SLC7A6OS: variants seen among roughly 807,000 people sequenced by gnomAD.
The protein encoded by SLC7A6OS is solute carrier family 7 member 6 opposite strand.
A neutral mutation model predicts 34.3 loss-of-function variants in SLC7A6OS; 22 were observed. The ratio of observed to expected loss-of-function variants is 0.64; its 90% CI spans 0.46 to 0.92. The LOEUF (loss-of-function observed/expected upper bound fraction) is 0.92, where lower values mean the gene tolerates loss of function less well. SLC7A6OS is among the 40% of genes least tolerant of loss of function. The pLI is 0.00. For missense variants in SLC7A6OS, 434 were observed against 407.7 expected (o/e 1.06, Z -0.56); for synonymous variants, 199 against 165.0 (o/e 1.21, Z -1.58).
chr16:68,302,563 A>G (rs1206892885), intron 3 of SLC7A6OS, 62 bp from the exon 4 acceptor site: 10 of 1,606,074 alleles, frequency 6.2e-6, no homozygotes, highest in East Asian at 2.2e-5. Context: ...CTCTGGGGGA[A>G]GTTGTTAGCA....
chr16:68,303,288 G>A lies in SLC7A6OS; in HGVS notation c.678+738C>T, dbSNP rs568356224. Among the ~76,000 whole-genome samples the A allele has an allele frequency of 2.8e-5, 4 of 141,992 alleles. No homozygotes were observed. In the East Asian group the frequency reaches 8.5e-4, roughly 30 times the overall value. 93.2% of individuals were successfully genotyped at this position (141,992 alleles called of 152,430 possible). A position where few individuals can be genotyped will look rare whatever the true frequency, so the allele number is the denominator to read the frequency against. Reference sequence around the variant, plus strand: ...CAAAAAAAAAAAAAAAAAAGATAATGGTGTCAGCTAGGTGTGGTGGCTCAC... The same window carrying A: ...CAAAAAAAAAAAAAAAAAAGATAATAGTGTCAGCTAGGTGTGGTGGCTCAC... On this transcript the variant is annotated intron_variant, in intron 3 of 4. Transcript: ENST00000263997.
chr16:68,302,146 C>A, intron 4 of SLC7A6OS: 1 of 513,210 alleles, frequency 1.9e-6, no homozygotes, highest in Non-Finnish European at 3.5e-6. Flanking sequence ...GCCCAAGAGC[C>A]ACAGCAAAGT....
rs147089863 is a variant in SLC7A6OS at position 68,310,861 on chromosome 16, A to G, written c.66T>C (p.Ala22=). Residue 22 remains alanine (A), a synonymous_variant, in exon 1 of 5, where the codon GCT becomes GCC. Transcript: ENST00000263997. ...KRKRSAEPAE[A]LVLACKRLRS... is the part of the protein sequence containing the mutation. ...GGAGGCGTTTACAAGCGAGCACAAG[A>G]GCCTCCGCCGGCTCCGCACTGCGCT... is the stretch of plus-strand genomic sequence containing the variant. 7 of 1,611,730 alleles carry G rather than the reference A, an allele frequency of 4.3e-6. No individual in the cohort carries two copies. The African/African-American group carries it at 5.3e-5, about 12-fold the overall frequency.
chr16:68,306,507 G>A lies in SLC7A6OS; in HGVS notation c.472-2275C>T, dbSNP rs918794885. Among the ~76,000 whole-genome samples, 18 of 152,166 alleles carry A rather than the reference G, an allele frequency of 1.2e-4. No homozygotes were observed. In the East Asian group the frequency reaches 1.9e-3, roughly 16 times the overall value. On this transcript the variant is annotated intron_variant, in intron 2 of 4. Transcript: ENST00000263997. ...GCTGGCATCACAGGCATGAGCCACC[G>A]CGCCCGGCCTATTATTGCTTAAAGA...
chr16:68,301,607 G>GGAGT (rs1366122940), intron 4 of SLC7A6OS: 30 of 417,466 alleles, frequency 7.2e-5, no homozygotes, highest in African/African-American at 5.1e-4. Context: ...CCTTCACACT[G>GGAGT]GAGTATTTTG....
chr16:68,310,229 G>C, intron 2 of SLC7A6OS, 106 bp downstream of exon 2: 1 of 1,266,014 alleles, frequency 7.9e-7, no homozygotes, highest in Non-Finnish European at 1.1e-6. Flanking sequence ...CGTCACGCCG[G>C]ATGGATCATC....
chr16:68,310,310 C>T (rs752283814), intron 2 of SLC7A6OS, 25 bp downstream of exon 2: 3 of 1,554,078 alleles, frequency 1.9e-6, no homozygotes, highest in Non-Finnish European at 2.6e-6. Flanking sequence ...AGAAGCCCAG[C>T]GACCACCTTC....
rs1332987041 is a variant in SLC7A6OS at position 68,310,754 on chromosome 16, A to C, written c.173T>G (p.Val58Gly). The change falls in exon 1 of 5, where the codon GTG (valine) becomes GGG (glycine). Residue 58 changes from valine (V) to glycine (G), a missense_variant. Val to Gly is a moderately radical substitution (Grantham distance 109). Coordinates refer to ENST00000263997, the MANE Select transcript of SLC7A6OS (RefSeq NM_032178.3). ...CAATACCTGGGAGCACACAGTGGCCACCAAGTGGAAGACATTATTCTCCGC... is the reference window on the plus strand; with the variant it reads ...CAATACCTGGGAGCACACAGTGGCCCCCAAGTGGAAGACATTATTCTCCGC... The part of the protein sequence containing the change: ...RAAENNVFHL[V>G]ATVCSQEEPV... 1 of 1,610,598 alleles carries C rather than the reference A, an allele frequency of 6.2e-7. No homozygotes were observed. Among genetic ancestry groups the C allele is most frequent in the Admixed American group, 1.7e-5 (1 of 59,840 alleles).
chr16:68,310,602 G>A lies in SLC7A6OS; in HGVS notation c.204C>T (p.Val68=). The A allele has an allele frequency of 1.3e-6, 2 of 1,598,422 alleles. No homozygotes were observed. Among genetic ancestry groups the A allele is most frequent in the South Asian group, 1.1e-5 (1 of 90,188 alleles). Residue 68 remains valine (V), a synonymous_variant, in exon 2 of 5, where the codon GTC becomes GTT. Transcript: ENST00000263997. ...VATVCSQEEP[V]QPLLREVLRP... ...GCAGAACTTCCCGCAGGAGAGGCTG[G>A]ACTGGTTCCTCCTAGGGGGCAACAG...
At chr16:68,310,654 T>C in intron 1 of SLC7A6OS, 41 bp from the exon 2 acceptor site, 3 of 1,578,838 alleles carry the variant, frequency 1.9e-6, no homozygotes, top group Admixed American at 3.4e-5. Context: ...TAAGCAGGAG[T>C]TCGCGAGCGG....
rs141177044 is a variant in SLC7A6OS, at chr16:68,309,345, A to G, written c.471+990T>C. 9.8e-3 allele frequency among the ~76,000 whole-genome samples: 1,487 copies of G among 152,070 alleles called. 12 individuals carry two copies. The highest frequency in any genetic ancestry group is 0.034 in the South Asian group (165 of 4,820). ...CGACCCTCCTGCCTCAGCCTCCCAA[A>G]GCGCTGGGATTACAGGGAGTATTTT... On this transcript the variant is annotated intron_variant, in intron 2 of 4. Transcript: ENST00000263997.
chr16:68,308,795 G>A lies in SLC7A6OS; in HGVS notation c.471+1540C>T, dbSNP rs866050759. On this transcript the variant is annotated intron_variant, in intron 2 of 4. Coordinates refer to ENST00000263997, the MANE Select transcript of SLC7A6OS (RefSeq NM_032178.3). The stretch of plus-strand genomic sequence containing the variant: ...TGGCTAGGCGCAGCGGCTCATGCCT[G>A]TAATCCCAGCACTTTGGGAGGTTGA... Among the ~76,000 whole-genome samples the A allele has an allele frequency of 1.4e-4, 22 of 152,168 alleles. No homozygotes were observed. The South Asian group carries it at 2.9e-3, about 20-fold the overall frequency.
chr16:68,302,058 A>G, intron 4 of SLC7A6OS: 1 of 277,048 alleles, frequency 3.6e-6, no homozygotes. Flanking sequence ...TACATATTTT[A>G]CATAATCTCA....
intron 2 of SLC7A6OS, among the ~76,000 whole-genome samples, chr16:68,309,454 C>T (rs1397369108): frequency 2.6e-5 from 4 of 152,008 alleles, no homozygotes; most frequent in African/African-American, 7.2e-5. Flanking sequence ...TAGCCTTGAC[C>T]TCCCCAGGCT....
chr16:68,303,881 G>T, intron 3 of SLC7A6OS, 145 bp downstream of exon 3: 1 of 693,426 alleles, frequency 1.4e-6, no homozygotes, highest in Non-Finnish European at 2.4e-6. Context: ...GTTCCTAAAA[G>T]GCACTTAGAA....
At chr16:68,305,249 C>CACACA (rs1382663398) in intron 2 of SLC7A6OS, among the ~76,000 whole-genome samples, 1 of 152,154 alleles carries the variant, frequency 6.6e-6, no homozygotes, top group Non-Finnish European at 1.5e-5. Context: ...CTGTAGAAGC[C>CACACA]AACAGGTGTT....
In SLC7A6OS at chr16:68,310,744, C is replaced by G; in HGVS notation, c.183G>C (p.Val61=). ...GCACCACGCCCAATACCTGGGAGCA[C>G]ACAGTGGCCACCAAGTGGAAGACAT... ...ENNVFHLVAT[V]CSQEEPVQPL... Residue 61 remains valine, a synonymous_variant, in exon 1 of 5, where the codon GTG becomes GTC. Coordinates refer to ENST00000263997, the MANE Select transcript of SLC7A6OS (RefSeq NM_032178.3). The G allele has an allele frequency of 6.2e-7, 1 of 1,608,124 alleles. No homozygotes were observed. Among genetic ancestry groups the G allele is most frequent in the Non-Finnish European group, 8.5e-7 (1 of 1,175,958 alleles).
chr16:68,303,311 C>T (rs2043301131), intron 3 of SLC7A6OS, among the ~76,000 whole-genome samples: 1 of 148,400 alleles, frequency 6.7e-6, no homozygotes, highest in East Asian at 2.0e-4. Context: ...TGTGGTGGCT[C>T]ACACCTGTAA....
intron 2 of SLC7A6OS, among the ~76,000 whole-genome samples, chr16:68,304,905 T>C (rs2043315989): frequency 6.6e-6 from 1 of 151,946 alleles, no homozygotes; most frequent in South Asian, 2.1e-4. Flanking sequence ...ATACAAAAAT[T>C]AGCTGGGTGT....
Sources: allele counts gnomAD v4.1 joint callset (sites outside exome capture counted in the v4.1 genomes callset), GRCh38; gene constraint gnomAD v4.1.1; transcripts MANE v1.5; gene names NCBI Gene and HGNC (gene_info 2026-07-23, HGNC 2026-07-21).